Variants in GCH1 observed in about 807,000 individuals in gnomAD.
GCH1 encodes the protein GTP cyclohydrolase I.
In GCH1, 5 loss-of-function variants were observed where a neutral mutation model predicts 25.9. That is an observed-to-expected ratio of 0.19 (90% CI 0.10 to 0.41). The LOEUF is 0.41. GCH1 is among the 10% of genes least tolerant of loss of function. The pLI is 1.00. For missense variants in GCH1, 261 were observed against 336.5 expected, an observed-to-expected ratio of 0.78 and a Z score of 1.75; for synonymous variants, 159 against 129.6, an observed-to-expected ratio of 1.23 and a Z score of -1.54.
chr14:54,845,402 C>T (rs558742953), intron 5 of GCH1, among the ~76,000 whole-genome samples: 95 of 149,092 alleles, frequency 6.4e-4, no homozygotes, highest in East Asian at 2.0e-4. Context: ...CGCTTGAACC[C>T]GGGAGGTGGA....
intron 2 of GCH1, among the ~76,000 whole-genome samples, chr14:54,863,074 C>G (rs2039929791): frequency 6.6e-6 from 1 of 151,934 alleles, no homozygotes; most frequent in African/African-American, 2.4e-5. Context: ...TTATTAGACA[C>G]TATTTAAGAA....
At chr14:54,863,421 CAAA>C (rs755639452) in intron 2 of GCH1, among the ~76,000 whole-genome samples, 36 of 8,314 alleles carry the variant, frequency 4.3e-3, no homozygotes, top group African/African-American at 0.019. Context: ...GACTCCGTCT[CAAA>C]AAAAAAAAAA....
Position 54,843,943 on chromosome 14 carries a change from C to G in GCH1, c.*74G>C. 1 of 1,613,618 alleles carries G rather than the reference C, an allele frequency of 6.2e-7. No individual in the cohort carries two copies. Among genetic ancestry groups the G allele is most frequent in the Non-Finnish European group, 8.5e-7 (1 of 1,179,856 alleles). ...CTGTAACAATTGAAAATGGAATGTA[C>G]AAACAAGACCGGACAGACAGACAAT... On this transcript the variant is annotated 3_prime_UTR_variant, in exon 6 of 6. Transcript: ENST00000491895.
At chr14:54,890,063 G>A (rs893880771) in intron 1 of GCH1, among the ~76,000 whole-genome samples, 1 of 152,290 alleles carries the variant, frequency 6.6e-6, no homozygotes, top group South Asian at 2.1e-4. Flanking sequence ...CAAGCTAGGA[G>A]GCAAGAAGGC....
At chr14:54,848,136 C>CTT (rs376044763) in intron 3 of GCH1, among the ~76,000 whole-genome samples, 66 of 137,354 alleles carry the variant, frequency 4.8e-4, no homozygotes, top group Non-Finnish European at 8.2e-4. Context: ...AAATTTTCCT[C>CTT]TTTTTTTTTT....
Position 54,842,894 on chromosome 14 carries a change from A to G in GCH1, c.*1123T>C, listed in dbSNP as rs991004026. ...GAGTTACAATGAGGACAAGACCCAC[A>G]TAGACCACAAAGGAAACCGGGACCA... On this transcript the variant is annotated 3_prime_UTR_variant, in exon 6 of 6. Coordinates refer to ENST00000491895, the MANE Select transcript of GCH1 (RefSeq NM_000161.3). 6 of 590,564 alleles carry G rather than the reference A, an allele frequency of 1.0e-5. No homozygotes were observed. In the African/African-American group the frequency reaches 1.1e-4, roughly 11 times the overall value. 36.6% of individuals were successfully genotyped at this position (590,564 alleles called of 1,614,324 possible). A position where few individuals can be genotyped will look rare whatever the true frequency, so the allele number is the denominator to read the frequency against.
At chr14:54,870,236 A>T (rs2040050012) in intron 1 of GCH1, among the ~76,000 whole-genome samples, 1 of 151,190 alleles carries the variant, frequency 6.6e-6, no homozygotes. Flanking sequence ...GGTGGCTCAC[A>T]TCTGTAATTC....
At chr14:54,851,208 T>C (rs1052616988) in intron 3 of GCH1, among the ~76,000 whole-genome samples, 4 of 152,176 alleles carry the variant, frequency 2.6e-5, no homozygotes, top group African/African-American at 7.2e-5. Flanking sequence ...TTACACCTTA[T>C]ACAAAAATTA....
chr14:54,885,571 C>T (rs2040340380), intron 1 of GCH1: 2 of 392,912 alleles, frequency 5.1e-6, no homozygotes, highest in Admixed American at 3.0e-5. Flanking sequence ...GGGATGAATC[C>T]CTGATGTCAT....
rs376868933 is a variant in GCH1, at chr14:54,880,818, TATATATATACTCC to T, written c.344-15395_344-15383del. 1.0e-3 allele frequency among the ~76,000 whole-genome samples: 84 copies of T among 82,380 alleles called. 11 individuals are homozygous for T. The highest frequency in any genetic ancestry group is 4.7e-3 in the African/African-American group (64 of 13,650). The allele number at this position is 82,380 out of a possible 152,430, so 54.0% of individuals were successfully genotyped here. A position where few individuals can be genotyped will look rare whatever the true frequency, so the allele number is the denominator to read the frequency against. The stretch of plus-strand genomic sequence containing the variant: ...TATATATATATATACTCCATATATA[TATATATATACTCC>T]ATATATATATATACTCCATATATAT... On this transcript the variant is annotated intron_variant, in intron 1 of 5. Transcript: ENST00000491895.
At chr14:54,900,218 G>GT (rs2040544352) in intron 1 of GCH1, among the ~76,000 whole-genome samples, 2 of 147,222 alleles carry the variant, frequency 1.4e-5, no homozygotes, top group African/African-American at 2.5e-5. Context: ...TGTTTTTTTT[G>GT]TTTTTTCTGG....
intron 2 of GCH1, among the ~76,000 whole-genome samples, chr14:54,862,668 A>G (rs924223447): frequency 3.4e-5 from 5 of 146,644 alleles, no homozygotes; most frequent in Non-Finnish European, 7.4e-5. Flanking sequence ...GTTGGTCTCA[A>G]ACTCCTGAGC....
chr14:54,901,865 T>G (rs2040570316), intron 1 of GCH1, among the ~76,000 whole-genome samples: 1 of 151,884 alleles, frequency 6.6e-6, no homozygotes, highest in Non-Finnish European at 1.5e-5. Context: ...GAGGCTTCAA[T>G]CCAGATACAC....
intron 3 of GCH1, among the ~76,000 whole-genome samples, chr14:54,849,853 T>G (rs890950012): frequency 6.6e-6 from 1 of 152,230 alleles, no homozygotes; most frequent in Non-Finnish European, 1.5e-5. Context: ...TTAATCTATG[T>G]CTAATCTATT....
chr14:54,848,310 T>G (rs1248546317), intron 3 of GCH1, among the ~76,000 whole-genome samples: 2 of 152,120 alleles, frequency 1.3e-5, no homozygotes, highest in African/African-American at 4.8e-5. Context: ...CTAATTTTTG[T>G]ATTTTTAGTA....
At chr14:54,862,379 CTTTTTTTTTT>C (rs892910613) in intron 2 of GCH1, among the ~76,000 whole-genome samples, 1 of 57,398 alleles carries the variant, frequency 1.7e-5, no homozygotes, top group African/African-American at 6.1e-5. Flanking sequence ...AAGCACTACT[CTTTTTTTTTT>C]TTTTTTTTTT....
At chr14:54,888,606 G>T (rs538025547) in intron 1 of GCH1, among the ~76,000 whole-genome samples, 1 of 151,344 alleles carries the variant, frequency 6.6e-6, no homozygotes, top group Non-Finnish European at 1.5e-5. Flanking sequence ...TCTGCCTCCC[G>T]GGTTCACACC....
intron 3 of GCH1, among the ~76,000 whole-genome samples, chr14:54,853,309 G>A (rs1250177975): frequency 6.6e-6 from 1 of 152,116 alleles, no homozygotes; most frequent in Non-Finnish European, 1.5e-5. Context: ...ATTTTTTGAA[G>A]GCCACACAGG....
intron 3 of GCH1, among the ~76,000 whole-genome samples, chr14:54,849,043 T>A (rs1233829955): frequency 6.6e-6 from 1 of 152,230 alleles, no homozygotes; most frequent in Non-Finnish European, 1.5e-5. Flanking sequence ...TGGACAATAG[T>A]GGTAACACTG....
Sources: gnomAD v4.1 joint callset for allele counts (sites outside exome capture counted in the v4.1 genomes callset) on GRCh38, gnomAD v4.1.1 for gene constraint, MANE v1.5 for transcripts, NCBI Gene and HGNC (gene_info 2026-07-23, HGNC 2026-07-21) for gene names.